Variants in ZFYVE21 observed in about 807,000 individuals in gnomAD.
ZFYVE21 encodes the protein zinc finger FYVE domain-containing protein 21.
ZFYVE21 carries 21 observed loss-of-function variants against 29.5 expected under a neutral mutation model. The observed-to-expected ratio is 0.71, with a 90% confidence interval of 0.50 to 1.02. The LOEUF is 1.02. Among genes scored for constraint, ZFYVE21 ranks in the 50% least tolerant of loss-of-function variants. The pLI, the probability that ZFYVE21 is intolerant of heterozygous loss-of-function variation, is 0.00. For missense variants in ZFYVE21, 326 were observed against 335.4 expected (o/e 0.97, Z 0.22); for synonymous variants, 151 against 133.8 (o/e 1.13, Z -0.89).
chr14:103,732,991 G>A lies in ZFYVE21; in HGVS notation c.678G>A (p.Lys226=). The change falls in exon 7 of 7, where the codon AAG becomes AAA. Residue 226 remains lysine, a synonymous_variant. Transcript: ENST00000311141. ...AWLVAMHKAA[K]LLYESRDQ is the part of the protein sequence containing the mutation. ...TCTTGTCTGATCTGCAGGCTGCCAAGCTCCTCTATGAATCTCGGGACCAGT... is the reference window on the plus strand; with the variant it reads ...TCTTGTCTGATCTGCAGGCTGCCAAACTCCTCTATGAATCTCGGGACCAGT... 1 of 1,614,036 alleles carries A rather than the reference G, an allele frequency of 6.2e-7. No homozygotes were observed. Among genetic ancestry groups the A allele is most frequent in the Admixed American group, 1.7e-5 (1 of 60,016 alleles).
In ZFYVE21 at chr14:103,721,947, G is replaced by A. The variant is rs139977546; in HGVS notation, c.139-4845G>A. Among the ~76,000 whole-genome samples, 322 of 152,314 alleles carry A rather than the reference G, an allele frequency of 2.1e-3. 1 individual carries two copies. The highest frequency in any genetic ancestry group is 3.4e-3 in the Middle Eastern group (1 of 294). On this transcript the variant is annotated intron_variant, in intron 1 of 6. Transcript: ENST00000311141. ...ATTCCAGACACCGCTGGCCACCTACGGTGAAAACGGATGAATCACACTTGG... is the reference window on the plus strand; with the variant it reads ...ATTCCAGACACCGCTGGCCACCTACAGTGAAAACGGATGAATCACACTTGG...
intron 1 of ZFYVE21, among the ~76,000 whole-genome samples, chr14:103,720,597 C>T (rs1293550432): frequency 5.3e-5 from 8 of 152,112 alleles, no homozygotes; most frequent in Non-Finnish European, 1.5e-5. Context: ...ATTTAAACTC[C>T]CTAAACTATA....
rs776306875 is a variant in ZFYVE21, at chr14:103,726,891, C to G, written c.189+49C>G. On this transcript the variant is annotated intron_variant, in intron 2 of 6. Transcript: ENST00000311141. Reference sequence around the variant, plus strand: ...GGTGGTGGGAAGAGGGGAGGGGCCCCAACAGGACAGCTGCCGCTGCCCCTT... The same window carrying G: ...GGTGGTGGGAAGAGGGGAGGGGCCCGAACAGGACAGCTGCCGCTGCCCCTT... 19 of 1,604,148 alleles carry G rather than the reference C, an allele frequency of 1.2e-5. No individual in the cohort carries two copies. The South Asian group carries it at 1.3e-4, about 11-fold the overall frequency.
intron 1 of ZFYVE21, among the ~76,000 whole-genome samples, chr14:103,720,848 G>A (rs147143919): frequency 5.3e-5 from 8 of 152,256 alleles, no homozygotes; most frequent in African/African-American, 1.4e-4. Context: ...TGTTTGAGAC[G>A]GAGTCTCACT....
chr14:103,730,009 G>C, intron 5 of ZFYVE21: 1 of 759,180 alleles, frequency 1.3e-6, no homozygotes, highest in Non-Finnish European at 2.1e-6. Context: ...CTGATAAGTG[G>C]GTTTATAAAG....
intron 3 of ZFYVE21, among the ~76,000 whole-genome samples, chr14:103,728,585 G>C (rs1379159325): frequency 6.6e-6 from 1 of 152,176 alleles, no homozygotes; most frequent in Non-Finnish European, 1.5e-5. Flanking sequence ...CTCTTAGGAC[G>C]TGTGAGCAGA....
intron 2 of ZFYVE21, 157 bp from the exon 3 acceptor site, chr14:103,727,589 G>T: frequency 2.2e-6 from 2 of 913,068 alleles, no homozygotes; most frequent in Non-Finnish European, 3.5e-6. Context: ...GTGGTGGGGA[G>T]CCCAGGGGCT....
At chr14:103,721,669 C>T (rs2083873820) in intron 1 of ZFYVE21, among the ~76,000 whole-genome samples, 1 of 152,226 alleles carries the variant, frequency 6.6e-6, no homozygotes, top group Admixed American at 6.5e-5. Flanking sequence ...GGGCACTGCC[C>T]AAGCTGACCT....
intron 2 of ZFYVE21, 52 bp downstream of exon 2, chr14:103,726,894 C>A (rs765138708): frequency 1.5e-5 from 24 of 1,600,516 alleles, no homozygotes; most frequent in Non-Finnish European, 2.0e-5. Flanking sequence ...GGGGCCCCAA[C>A]AGGACAGCTG....
Position 103,729,822 on chromosome 14 carries a change from C to CG in ZFYVE21, c.526+645dup, listed in dbSNP as rs752342416. 7.2e-6 allele frequency: 11 copies of CG among 1,536,202 alleles called. No homozygotes were observed. The South Asian group carries it at 1.3e-4, about 18-fold the overall frequency. On this transcript the variant is annotated intron_variant, in intron 5 of 6. Transcript: ENST00000311141. ...AGACATTCACGCTTACACCAGCCTCCGGGGGAGCCAGCCTGCCTCTGAAGG... is the reference window on the plus strand; with the variant it reads ...AGACATTCACGCTTACACCAGCCTCCGGGGGGAGCCAGCCTGCCTCTGAAGG...
rs1025118637 is a variant in ZFYVE21 at position 103,716,660 on chromosome 14, C to T, written c.138+681C>T. On this transcript the variant is annotated intron_variant, in intron 1 of 6. Coordinates refer to ENST00000311141, the MANE Select transcript of ZFYVE21 (RefSeq NM_024071.4). The surrounding 1 kb of genome is among the most constrained non-coding windows in gnomAD (Gnocchi z 4.8). Reference sequence around the variant, plus strand: ...GAGACCGCAGATTTGCACCCGTTTCCCATGGGCCCAGACACGGCAGGAGTT... The same window carrying T: ...GAGACCGCAGATTTGCACCCGTTTCTCATGGGCCCAGACACGGCAGGAGTT... Among the ~76,000 whole-genome samples, 1 of 152,228 alleles carries T rather than the reference C, an allele frequency of 6.6e-6. No individual in the cohort carries two copies. Among genetic ancestry groups the T allele is most frequent in the Admixed American group, 6.5e-5 (1 of 15,284 alleles).
chr14:103,728,917 T>A lies in ZFYVE21; in HGVS notation c.368T>A (p.Phe123Tyr). Residue 123 changes from phenylalanine (F) to tyrosine (Y), a missense_variant, in exon 4 of 7, where the codon TTC becomes TAC. Phe to Tyr is a conservative substitution (Grantham distance 22). Coordinates refer to ENST00000311141, the MANE Select transcript of ZFYVE21 (RefSeq NM_024071.4). ...QLKVLLSGATFLVTFGNSEKP... is the reference protein window; with the variant it reads ...QLKVLLSGATYLVTFGNSEKP... ...CTTTTGTGTTCCCAAGGAGCCACCT[T>A]CCTCGTCACGTTTGGAAACTCAGAG... 6.2e-7 allele frequency: 1 copy of A among 1,614,076 alleles called. No individual in the cohort carries two copies. Among genetic ancestry groups the A allele is most frequent in the African/African-American group, 1.3e-5 (1 of 74,994 alleles).
At chr14:103,722,939 T>C (rs944078381) in intron 1 of ZFYVE21, among the ~76,000 whole-genome samples, 1 of 152,200 alleles carries the variant, frequency 6.6e-6, no homozygotes, top group African/African-American at 2.4e-5. Context: ...CGTGAGCCAC[T>C]GCTCCAGCAG....
intron 1 of ZFYVE21, among the ~76,000 whole-genome samples, chr14:103,721,756 T>C (rs1230226112): frequency 6.6e-6 from 1 of 152,230 alleles, no homozygotes; most frequent in African/African-American, 2.4e-5. Context: ...ACTAAACACC[T>C]TTATTATTTA....
At chr14:103,719,109 C>A (rs2083852326) in intron 1 of ZFYVE21, among the ~76,000 whole-genome samples, 1 of 152,050 alleles carries the variant, frequency 6.6e-6, no homozygotes, top group African/African-American at 2.4e-5. Context: ...GATCAGAGAG[C>A]TGAGGCCAGA....
chr14:103,722,351 CTTTTTTTTT>C (rs34926725), intron 1 of ZFYVE21, among the ~76,000 whole-genome samples: 1 of 108,372 alleles, frequency 9.2e-6, no homozygotes. Context: ...TGGTCTGTCT[CTTTTTTTTT>C]TTTTTTTTTT....
At chr14:103,726,866 G>C (rs769189552) in intron 2 of ZFYVE21, 24 bp downstream of exon 2, 2 of 1,613,524 alleles carry the variant, frequency 1.2e-6, no homozygotes, top group African/African-American at 2.7e-5. Context: ...GCTGAGTGGG[G>C]GTGGTGGGAA....
intron 1 of ZFYVE21, among the ~76,000 whole-genome samples, chr14:103,721,951 A>T (rs1234759594): frequency 6.6e-6 from 1 of 152,224 alleles, no homozygotes; most frequent in Non-Finnish European, 1.5e-5. Context: ...ACCTACGGTG[A>T]AAACGGATGA....
chr14:103,724,997 G>A (rs1046126539), intron 1 of ZFYVE21: 3 of 152,368 alleles, frequency 2.0e-5, no homozygotes, highest in East Asian at 1.9e-4. Flanking sequence ...AGGCTGTACC[G>A]GCTTACCAAA....
Sources: allele counts gnomAD v4.1 joint callset (sites outside exome capture counted in the v4.1 genomes callset), GRCh38; gene constraint gnomAD v4.1.1; non-coding constraint Gnocchi (gnomAD v3.1); transcripts MANE v1.5; gene names NCBI Gene and HGNC (gene_info 2026-07-23, HGNC 2026-07-21).